Variants in COMMD8 observed in about 807,000 individuals in gnomAD.
COMMD8 encodes COMM domain-containing protein 8.
In COMMD8, 28 loss-of-function variants were observed where a neutral mutation model predicts 27.2. The ratio of observed to expected loss-of-function variants is 1.03; its 90% confidence interval spans 0.76 to 1.41. The LOEUF (loss-of-function observed/expected upper bound fraction) is 1.41. Among genes scored for constraint, COMMD8 ranks in the 40% most tolerant of loss-of-function variants. The pLI is 0.00. For missense variants in COMMD8, 217 were observed against 211.2 expected, an observed-to-expected ratio of 1.03 and a Z score of -0.17; for synonymous variants, 79 against 75.5, an observed-to-expected ratio of 1.05 and a Z score of -0.24.
chr4:47,451,693 T>C, intron 4 of COMMD8, 28 bp from the exon 5 acceptor site: 1 of 1,553,918 alleles, frequency 6.4e-7, no homozygotes, highest in East Asian at 2.4e-5. Context: ...AGAGAAAATA[T>C]CAGGTTATAC....
At position 47,453,137 on chromosome 4, in the gene COMMD8, A is replaced by G. The variant is rs200336587; in HGVS notation, c.453T>C (p.Gly151=). 91 of 1,613,692 alleles carry G rather than the reference A, an allele frequency of 5.6e-5. No individual in the cohort carries two copies. Among genetic ancestry groups the G allele is most frequent in the Non-Finnish European group, 7.2e-5 (85 of 1,179,740 alleles). The change falls in exon 4 of 5, where the codon GGT becomes GGC. Residue 151 remains glycine (G), a synonymous_variant. Coordinates refer to ENST00000381571, the MANE Select transcript of COMMD8 (RefSeq NM_017845.5). ...TTTCAATAGAATAAGGTTTTACTTC[A>G]CCATTTTCTTTTACATCTAGATGCA... ...LSLHLDVKEN[G]EVKPYSIEMS... is the part of the protein sequence containing the mutation.
chr4:47,452,950 C>T (rs528201664), intron 4 of COMMD8, 109 bp downstream of exon 4: 107 of 890,738 alleles, frequency 1.2e-4, no homozygotes, highest in African/African-American at 1.7e-4. Flanking sequence ...GAGCCGAGTT[C>T]GCGCCGTTGC....
At chr4:47,462,329 G>T (rs1021078331) in intron 1 of COMMD8, among the ~76,000 whole-genome samples, 5 of 152,102 alleles carry the variant, frequency 3.3e-5, no homozygotes, top group African/African-American at 4.8e-5. Context: ...TGTGAAAAGG[G>T]GGGGCCATGG....
intron 1 of COMMD8, among the ~76,000 whole-genome samples, chr4:47,461,301 G>A (rs758419489): frequency 3.3e-5 from 5 of 152,252 alleles, no homozygotes; most frequent in South Asian, 2.1e-4. Context: ...CTTACAAGAG[G>A]AGTATTTGAA....
Position 47,456,626 on chromosome 4 carries a change from A to G in COMMD8, c.326T>C (p.Ile109Thr). The change falls in exon 3 of 5, where the codon ATA becomes ACA. Residue 109 changes from isoleucine to threonine, a missense_variant. Physicochemically the swap from Ile to Thr is moderately conservative, Grantham distance 89 (BLOSUM62 -1). Transcript: ENST00000381571. ...TAGCTGTGCAGAGGAAATAGCAACT[A>G]TTTCTCTTGACAGAGCCTGTTTGAT... ...DEIKQALSRE[I>T]VAISSAQLQD... 6.2e-7 allele frequency: 1 copy of G among 1,610,172 alleles called. No homozygotes were observed. The highest frequency in any genetic ancestry group is 1.7e-4 in the Middle Eastern group (1 of 6,048).
intron 2 of COMMD8, among the ~76,000 whole-genome samples, chr4:47,457,558 T>C (rs1039767818): frequency 6.6e-6 from 1 of 152,164 alleles, no homozygotes; most frequent in Non-Finnish European, 1.5e-5. Flanking sequence ...ATATGGAACA[T>C]TCACCATAAC....
rs1231057456 is a variant in COMMD8 at position 47,456,595 on chromosome 4, A to T, written c.357T>A (p.Asp119Glu). 2 of 1,605,950 alleles carry T rather than the reference A, an allele frequency of 1.2e-6. No homozygotes were observed. Among genetic ancestry groups the T allele is most frequent in the Admixed American group, 3.4e-5 (2 of 58,118 alleles). Residue 119 changes from aspartate to glutamate, a missense_variant, in exon 3 of 5, where the codon GAT (aspartate) becomes GAA (glutamate). Transcript: ENST00000381571. ...IVAISSAQLQ[D>E]FDWQVKLALS... ...CTCTTACCTTTACCTGCCAATCAAA[A>T]TCCTGTAGCTGTGCAGAGGAAATAG...
chr4:47,454,185 G>A (rs963167383), intron 3 of COMMD8, among the ~76,000 whole-genome samples: 1 of 152,130 alleles, frequency 6.6e-6, no homozygotes, highest in African/African-American at 2.4e-5. Flanking sequence ...CTTGAGAAGC[G>A]GTTACAATCA....
At chr4:47,454,321 C>T (rs1167817301) in intron 3 of COMMD8, among the ~76,000 whole-genome samples, 1 of 152,176 alleles carries the variant, frequency 6.6e-6, no homozygotes, top group Non-Finnish European at 1.5e-5. Context: ...TATATTTCCC[C>T]ATCTATGAAT....
At chr4:47,458,308 T>A (rs1729941590) in intron 2 of COMMD8, among the ~76,000 whole-genome samples, 1 of 151,920 alleles carries the variant, frequency 6.6e-6, no homozygotes, top group Admixed American at 6.5e-5. Flanking sequence ...ATGTTAAAGT[T>A]GAAAAAGAAA....
At chr4:47,451,895 C>T (rs1013623850) in intron 4 of COMMD8, among the ~76,000 whole-genome samples, 1 of 152,222 alleles carries the variant, frequency 6.6e-6, no homozygotes, top group Non-Finnish European at 1.5e-5. Flanking sequence ...CCCCAGCCAT[C>T]CAGCCAAGCC....
intron 3 of COMMD8, among the ~76,000 whole-genome samples, chr4:47,454,864 C>CAAAAAAAAA (rs1187989270): frequency 7.6e-5 from 3 of 39,514 alleles, no homozygotes; most frequent in African/African-American, 1.1e-4. Context: ...AACTCCATCT[C>CAAAAAAAAA]AAAAAAAAAA....
Position 47,463,614 on chromosome 4 carries a change from T to A in COMMD8, c.38A>T (p.Gln13Leu), listed in dbSNP as rs1231518986. 2 of 1,547,918 alleles carry A rather than the reference T, an allele frequency of 1.3e-6. No individual in the cohort carries two copies. The highest frequency in any genetic ancestry group is 2.4e-5 in the East Asian group (1 of 40,856). The change falls in exon 1 of 5, where the codon CAG (glutamine) becomes CTG (leucine). Residue 13 changes from glutamine (Q) to leucine (L), a missense_variant. By Grantham distance (113) the Gln-to-Leu change is moderately radical. Coordinates refer to ENST00000381571, the MANE Select transcript of COMMD8 (RefSeq NM_017845.5). ...PEEGTPLWRLQKLPAELGPQL... is the reference protein window; with the variant it reads ...PEEGTPLWRLLKLPAELGPQL... The stretch of plus-strand genomic sequence containing the variant: ...CGGGCCCAGCTCGGCCGGCAGCTTC[T>A]GCAGCCGCCACAAGGGCGTCCCCTC...
intron 3 of COMMD8, among the ~76,000 whole-genome samples, chr4:47,454,005 T>C (rs1253277796): frequency 2.0e-5 from 3 of 152,218 alleles, no homozygotes; most frequent in Admixed American, 6.5e-5. Flanking sequence ...GAATCAAATC[T>C]TGACATAGCT....
Position 47,451,419 on chromosome 4 carries a change from C to G in COMMD8, c.*226G>C. On this transcript the variant is annotated 3_prime_UTR_variant, in exon 5 of 5. Coordinates refer to ENST00000381571, the MANE Select transcript of COMMD8 (RefSeq NM_017845.5). Reference sequence around the variant, plus strand: ...GGCAAAACAATCATGAAAATATAAACTGCTACTATAGATTTTTCATCTTTC... The same window carrying G: ...GGCAAAACAATCATGAAAATATAAAGTGCTACTATAGATTTTTCATCTTTC... 1 of 437,058 alleles carries G rather than the reference C, an allele frequency of 2.3e-6. No individual in the cohort carries two copies. The highest frequency in any genetic ancestry group is 4.2e-5 in the East Asian group (1 of 23,864). The allele number at this position is 437,058 out of a possible 1,614,324, so 27.1% of individuals were successfully genotyped here.
Position 47,453,191 on chromosome 4 carries a change from A to C in COMMD8, c.399T>G (p.Ile133Met). 6.2e-7 allele frequency: 1 copy of C among 1,613,878 alleles called. No individual in the cohort carries two copies. Among genetic ancestry groups the C allele is most frequent in the Non-Finnish European group, 8.5e-7 (1 of 1,179,904 alleles). ...TTAAAAGTGGCATTCGTAATGCAGCAATCTTGTCACTGGAAAGTGCAAGCT... is the reference window on the plus strand; with the variant it reads ...TTAAAAGTGGCATTCGTAATGCAGCCATCTTGTCACTGGAAAGTGCAAGCT... ...QVKLALSSDK[I>M]AALRMPLLSL... The change falls in exon 4 of 5, where the codon ATT becomes ATG. Residue 133 changes from isoleucine (I) to methionine (M), a missense_variant. Transcript: ENST00000381571.
chr4:47,453,321 T>A (rs1328396891), intron 3 of COMMD8, 107 bp from the exon 4 acceptor site: 1 of 820,374 alleles, frequency 1.2e-6, no homozygotes, highest in East Asian at 2.7e-5. Flanking sequence ...CTGTTTGCTG[T>A]TGAGTATAGA....
intron 1 of COMMD8, among the ~76,000 whole-genome samples, chr4:47,462,615 T>C (rs191851448): frequency 2.0e-5 from 3 of 152,176 alleles, no homozygotes; most frequent in South Asian, 2.1e-4. Context: ...TCGACATATA[T>C]GGTAATAAAG....
chr4:47,454,525 A>G, intron 3 of COMMD8, among the ~76,000 whole-genome samples: 1 of 152,232 alleles, frequency 6.6e-6, no homozygotes, highest in East Asian at 1.9e-4. Flanking sequence ...CACTAAGAAG[A>G]TATTATCACT....
Sources: allele counts gnomAD v4.1 joint callset (sites outside exome capture counted in the v4.1 genomes callset), GRCh38; gene constraint gnomAD v4.1.1; transcripts MANE v1.5; gene names NCBI Gene and HGNC (gene_info 2026-07-23, HGNC 2026-07-21).